VPS50: variants seen among roughly 807,000 people sequenced by gnomAD.
VPS50 encodes syndetin.
A neutral mutation model predicts 139.7 loss-of-function variants in VPS50; 70 were observed. The observed-to-expected ratio is 0.50, with a 90% CI of 0.41 to 0.61. The LOEUF is 0.61. Among genes scored for constraint, VPS50 ranks in the 20% least tolerant of loss-of-function variants. The pLI, the probability that VPS50 is intolerant of heterozygous loss-of-function variation, is 0.00. For synonymous variants in VPS50, 365 were observed against 376.7 expected (o/e 0.97, Z 0.36); for missense variants, 921 against 1,133.7 (o/e 0.81, Z 2.69).
chr7:93,332,843 AT>A (rs1442851521), intron 21 of VPS50, among the ~76,000 whole-genome samples: 1 of 152,236 alleles, frequency 6.6e-6, no homozygotes, highest in Non-Finnish European at 1.5e-5. Context: ...TCTCAAAAGC[AT>A]TCTGAGTAAA....
At chr7:93,318,797 G>C (rs1797507232) in intron 20 of VPS50, among the ~76,000 whole-genome samples, 1 of 151,930 alleles carries the variant, frequency 6.6e-6, no homozygotes, top group African/African-American at 2.4e-5. Context: ...CATTTTTATG[G>C]AACTCCTACA....
At chr7:93,351,288 C>T (rs1436742211) in intron 25 of VPS50, among the ~76,000 whole-genome samples, 3 of 151,832 alleles carry the variant, frequency 2.0e-5, no homozygotes, top group African/African-American at 7.3e-5. Context: ...TTCTAGAGCA[C>T]CCAGGAGATT....
Position 93,247,897 on chromosome 7 carries a change from T to G in VPS50, c.103-4756T>G, listed in dbSNP as rs1462362276. ...GCTTTTGTTTTCTCCTCTTTGTTATTCCAATTCATTACTTTAATTGTAGTT... is the reference window on the plus strand; with the variant it reads ...GCTTTTGTTTTCTCCTCTTTGTTATGCCAATTCATTACTTTAATTGTAGTT... On this transcript the variant is annotated intron_variant, in intron 2 of 27. Coordinates refer to ENST00000305866, the MANE Select transcript of VPS50 (RefSeq NM_017667.4). 2.0e-5 allele frequency among the ~76,000 whole-genome samples: 3 copies of G among 152,000 alleles called. No homozygotes were observed. In the East Asian group the frequency reaches 5.8e-4, roughly 29 times the overall value.
intron 19 of VPS50, 120 bp downstream of exon 19, chr7:93,309,062 G>T: frequency 2.2e-6 from 1 of 460,424 alleles, no homozygotes; most frequent in Admixed American, 3.7e-5. Context: ...AATGTCACCT[G>T]ACAGAAGTTA....
Position 93,257,402 on chromosome 7 carries a change from AAG to A in VPS50, c.363_364del (p.Arg121SerfsTer33). On this transcript the variant is annotated frameshift_variant, in exon 6 of 28. Coordinates refer to ENST00000305866, the MANE Select transcript of VPS50 (RefSeq NM_017667.4). LOFTEE classifies it high-confidence loss of function. ...ACCTAATCTTCCCATAGGAACTTGA[AAG>A]AGTTACCTCATTGCAGACAGGTCTT... is the stretch of plus-strand genomic sequence containing the variant. Reference protein sequence around the residue: ...KQPAYVKELERVTSLQTGLQL... With the variant: ...KQPAYVKELEXVTSLQTGLQL... 1.3e-6 allele frequency: 2 copies of A among 1,591,810 alleles called. No homozygotes were observed. The highest frequency in any genetic ancestry group is 1.7e-6 in the Non-Finnish European group (2 of 1,161,224).
chr7:93,271,013 G>A lies in VPS50; in HGVS notation c.660-207G>A, dbSNP rs1186236517. The A allele has an allele frequency of 1.8e-5, 11 of 615,872 alleles. No homozygotes were observed. In the East Asian group the frequency reaches 3.5e-4, roughly 20 times the overall value. The allele number at this position is 615,872 out of a possible 1,614,324, so 38.2% of individuals were successfully genotyped here. On this transcript the variant is annotated intron_variant, in intron 9 of 27. Coordinates refer to ENST00000305866, the MANE Select transcript of VPS50 (RefSeq NM_017667.4). ...CTGTAGATTCTTTCTTTCTACTCACGCAATCCTGTTGCTGCTGCTAATGAC... is the reference window on the plus strand; with the variant it reads ...CTGTAGATTCTTTCTTTCTACTCACACAATCCTGTTGCTGCTGCTAATGAC...
intron 20 of VPS50, among the ~76,000 whole-genome samples, chr7:93,321,732 G>A (rs1797619406): frequency 6.6e-6 from 1 of 152,018 alleles, no homozygotes; most frequent in Non-Finnish European, 1.5e-5. Flanking sequence ...TCAAGATTAG[G>A]TATATAAACG....
intron 20 of VPS50, among the ~76,000 whole-genome samples, chr7:93,319,647 G>C (rs73219917): frequency 1.3e-5 from 2 of 151,978 alleles, no homozygotes; most frequent in African/African-American, 4.8e-5. Context: ...GATGTGTCTA[G>C]CTATGATTTC....
intron 9 of VPS50, among the ~76,000 whole-genome samples, chr7:93,263,634 A>C (rs1795752910): frequency 2.6e-5 from 4 of 152,202 alleles, no homozygotes; most frequent in Non-Finnish European, 1.5e-5. Context: ...TGAGATGGAA[A>C]AACTTAGGAC....
At chr7:93,334,272 ATG>A in intron 22 of VPS50, 75 bp downstream of exon 22, 5 of 829,608 alleles carry the variant, frequency 6.0e-6, no homozygotes, top group Non-Finnish European at 8.0e-6. Context: ...TTTCATATAA[ATG>A]TGTGTCTATA....
At chr7:93,349,375 T>C (rs1412686001) in intron 24 of VPS50, among the ~76,000 whole-genome samples, 2 of 151,824 alleles carry the variant, frequency 1.3e-5, no homozygotes, top group African/African-American at 4.8e-5. Context: ...GCTTCAGGAG[T>C]TGGACTTTAT....
intron 23 of VPS50, among the ~76,000 whole-genome samples, chr7:93,342,457 G>A (rs1339651364): frequency 8.5e-5 from 13 of 152,162 alleles, no homozygotes; most frequent in Admixed American, 6.5e-4. Flanking sequence ...CTGGAAGCTC[G>A]AACTAGGTGG....
chr7:93,323,814 A>G, intron 21 of VPS50, 82 bp downstream of exon 21: 2 of 639,438 alleles, frequency 3.1e-6, no homozygotes, highest in Non-Finnish European at 4.8e-6. Context: ...CTCTCTATAG[A>G]AGATACACAA....
chr7:93,253,825 T>G, intron 3 of VPS50, 35 bp from the exon 4 acceptor site: 1 of 1,236,324 alleles, frequency 8.1e-7, no homozygotes, highest in Non-Finnish European at 1.2e-6. Context: ...AAACAATTTA[T>G]TTTTTCCTCT....
intron 21 of VPS50, among the ~76,000 whole-genome samples, chr7:93,330,471 A>C (rs1369143148): frequency 1.3e-5 from 2 of 152,120 alleles, no homozygotes; most frequent in Admixed American, 6.6e-5. Context: ...TATAAAAAAT[A>C]GGCTAGGCAT....
intron 23 of VPS50, among the ~76,000 whole-genome samples, chr7:93,342,774 G>T (rs1013096080): frequency 1.3e-5 from 2 of 152,194 alleles, no homozygotes; most frequent in African/African-American, 4.8e-5. Flanking sequence ...TGAGGGTCTT[G>T]TCTGTTAGAA....
chr7:93,241,018 CAA>C (rs1156673069), intron 2 of VPS50, among the ~76,000 whole-genome samples: 3 of 152,050 alleles, frequency 2.0e-5, no homozygotes, highest in Non-Finnish European at 2.9e-5. Flanking sequence ...GGTTGGGAAA[CAA>C]GAGATAGCCA....
chr7:93,294,530 G>A lies in VPS50; in HGVS notation c.1076-15G>A, dbSNP rs1562873004. ...TGGATTAAATCTAAAAATATATATT[G>A]TCTTTTATTTTCAGAAGGGAGTAAT... On this transcript the variant is annotated splice_polypyrimidine_tract_variant and intron_variant, in intron 13 of 27. Transcript: ENST00000305866. 1 of 1,499,200 alleles carries A rather than the reference G, an allele frequency of 6.7e-7. No homozygotes were observed. 92.9% of individuals were successfully genotyped at this position (1,499,200 alleles called of 1,614,324 possible).
chr7:93,289,095 GT>G (rs1796575887), intron 12 of VPS50, among the ~76,000 whole-genome samples: 1 of 151,864 alleles, frequency 6.6e-6, no homozygotes, highest in Non-Finnish European at 1.5e-5. Context: ...TTTCATCCAA[GT>G]TTTTTTTAGG....
Sources: gnomAD v4.1 joint callset for allele counts (sites outside exome capture counted in the v4.1 genomes callset) on GRCh38, gnomAD v4.1.1 for gene constraint, MANE v1.5 for transcripts, NCBI Gene and HGNC (gene_info 2026-07-23, HGNC 2026-07-21) for gene names.